Variants in ADCY2 observed in about 807,000 individuals in gnomAD.
ADCY2 encodes the protein adenylate cyclase type 2.
ADCY2 carries 31 observed loss-of-function variants against 125.2 expected under a neutral mutation model. The observed-to-expected ratio is 0.25, with a 90% confidence interval of 0.19 to 0.33. The LOEUF (loss-of-function observed/expected upper bound fraction) is 0.33, where lower values mean the gene tolerates loss of function less well. Ranked by LOEUF, ADCY2 falls within the 10% of genes least tolerant of loss-of-function variation. The probability of loss-of-function intolerance (pLI) is 1.00; values close to 1 mark genes in which losing one functional copy is unlikely to be tolerated. For missense variants in ADCY2, 904 were observed against 1,418.2 expected, an observed-to-expected ratio of 0.64 and a Z score of 5.82; for synonymous variants, 512 against 548.4, an observed-to-expected ratio of 0.93 and a Z score of 0.93.
chr5:7,502,377 C>T (rs1368566408), intron 2 of ADCY2, among the ~76,000 whole-genome samples: 1 of 152,140 alleles, frequency 6.6e-6, no homozygotes, highest in Admixed American at 6.5e-5. Flanking sequence ...TGACCAAACC[C>T]CTCCAGTCCA....
intron 2 of ADCY2, among the ~76,000 whole-genome samples, chr5:7,497,282 G>C (rs143204251): frequency 9.9e-5 from 15 of 152,084 alleles, no homozygotes; most frequent in Non-Finnish European, 2.1e-4. Flanking sequence ...GATCTGTAGA[G>C]AATTACTTGA....
At chr5:7,420,744 C>T (rs1409751130) in intron 2 of ADCY2, among the ~76,000 whole-genome samples, 5 of 152,164 alleles carry the variant, frequency 3.3e-5, no homozygotes, top group Admixed American at 6.5e-5. Flanking sequence ...TTCGGGGCAG[C>T]ATTTGCATTT....
At chr5:7,674,348 C>T (rs773480944) in intron 4 of ADCY2, among the ~76,000 whole-genome samples, 2 of 152,070 alleles carry the variant, frequency 1.3e-5, no homozygotes, top group Non-Finnish European at 2.9e-5. Flanking sequence ...TGCTTTGAGG[C>T]GGGCAGAGGG....
In ADCY2 at chr5:7,532,992, G is replaced by T. The variant is rs188226940; in HGVS notation, c.570+12093G>T. ...TATACACATTTATATGTAAATATGTGTATATAAACATTTGATATGTATACA... is the reference window on the plus strand; with the variant it reads ...TATACACATTTATATGTAAATATGTTTATATAAACATTTGATATGTATACA... On this transcript the variant is annotated intron_variant, in intron 3 of 24. Transcript: ENST00000338316. Among the ~76,000 whole-genome samples the T allele has an allele frequency of 2.0e-3, 293 of 149,942 alleles. 1 individual carries two copies. The highest frequency in any genetic ancestry group is 6.7e-3 in the African/African-American group (274 of 40,956).
intron 2 of ADCY2, among the ~76,000 whole-genome samples, chr5:7,420,642 C>T (rs1475595939): frequency 1.3e-5 from 2 of 152,194 alleles, no homozygotes; most frequent in Non-Finnish European, 2.9e-5. Context: ...TGCCATTCCA[C>T]GTAGCTGCCT....
chr5:7,526,843 G>T (rs1734486883), intron 3 of ADCY2, among the ~76,000 whole-genome samples: 1 of 152,194 alleles, frequency 6.6e-6, no homozygotes, highest in South Asian at 2.1e-4. Flanking sequence ...CCTTAATGAT[G>T]AAGGGAAGAC....
intron 4 of ADCY2, among the ~76,000 whole-genome samples, chr5:7,690,309 A>G (rs1740665290): frequency 6.6e-6 from 1 of 152,188 alleles, no homozygotes; most frequent in South Asian, 2.1e-4. Context: ...TTTAGCTCAG[A>G]AATGAACATG....
chr5:7,711,760 C>T (rs1741447020), intron 10 of ADCY2, among the ~76,000 whole-genome samples: 2 of 152,168 alleles, frequency 1.3e-5, no homozygotes, highest in South Asian at 4.1e-4. Flanking sequence ...CTTGAACGAA[C>T]TCTATTTTCT....
intron 2 of ADCY2, 65 bp from the exon 3 acceptor site, chr5:7,520,673 A>G: frequency 3.8e-6 from 6 of 1,579,568 alleles, no homozygotes; most frequent in Non-Finnish European, 5.2e-6. Context: ...AGTGGCATGG[A>G]AACAGGAGGC....
At position 7,755,965 on chromosome 5, in the gene ADCY2, A is replaced by C. The variant is rs181176056; in HGVS notation, c.1957-1484A>C. 1.4e-4 allele frequency among the ~76,000 whole-genome samples: 21 copies of C among 152,344 alleles called. No individual in the cohort carries two copies. In the East Asian group the frequency reaches 3.7e-3, roughly 27 times the overall value. On this transcript the variant is annotated intron_variant, in intron 15 of 24. Coordinates refer to ENST00000338316, the MANE Select transcript of ADCY2 (RefSeq NM_020546.3). ...ACCAGCTTTGTTTGCCAATAGGTTA[A>C]CTTGGTAGTATCGATCAAAGGGCAT...
intron 2 of ADCY2, among the ~76,000 whole-genome samples, chr5:7,471,769 T>C (rs1037432920): frequency 6.6e-6 from 1 of 152,058 alleles, no homozygotes; most frequent in African/African-American, 2.4e-5. Flanking sequence ...AAAGTGTCAT[T>C]TTTTCCATCA....
chr5:7,476,583 G>A (rs191585244), intron 2 of ADCY2, among the ~76,000 whole-genome samples: 1 of 152,250 alleles, frequency 6.6e-6, no homozygotes, highest in Non-Finnish European at 1.5e-5. Context: ...CTCAGTGTAA[G>A]GCCACCAGTC....
At chr5:7,712,990 C>A in intron 11 of ADCY2, 91 bp downstream of exon 11, 1 of 1,008,278 alleles carries the variant, frequency 9.9e-7, no homozygotes, top group Non-Finnish European at 1.5e-6. Context: ...ATTTCAAGGG[C>A]TACTTCTGAA....
At chr5:7,714,246 G>T (rs947976714) in intron 11 of ADCY2, among the ~76,000 whole-genome samples, 1 of 152,214 alleles carries the variant, frequency 6.6e-6, no homozygotes, top group Non-Finnish European at 1.5e-5. Flanking sequence ...ATGAGCAACT[G>T]ACCACAGAAA....
chr5:7,815,620 A>C (rs1745085917), intron 22 of ADCY2, among the ~76,000 whole-genome samples: 1 of 152,248 alleles, frequency 6.6e-6, no homozygotes, highest in Non-Finnish European at 1.5e-5. Flanking sequence ...TAAGTGCTAC[A>C]AATTCATGTT....
intron 16 of ADCY2, among the ~76,000 whole-genome samples, chr5:7,764,231 G>A (rs969338241): frequency 5.9e-5 from 9 of 152,180 alleles, no homozygotes; most frequent in African/African-American, 2.2e-4. Context: ...TGTTTCATAC[G>A]TAGTGTTTTT....
intron 3 of ADCY2, among the ~76,000 whole-genome samples, chr5:7,591,147 C>G (rs1162056432): frequency 6.6e-6 from 1 of 152,126 alleles, no homozygotes; most frequent in Non-Finnish European, 1.5e-5. Flanking sequence ...CAGTTGATCA[C>G]TATCTAAAGC....
intron 2 of ADCY2, among the ~76,000 whole-genome samples, chr5:7,452,748 C>G (rs1159369636): frequency 6.6e-6 from 1 of 152,152 alleles, no homozygotes; most frequent in African/African-American, 2.4e-5. Context: ...TTCACCACAT[C>G]CATGCTAACA....
chr5:7,700,141 C>A (rs1347568182), intron 7 of ADCY2, among the ~76,000 whole-genome samples: 1 of 152,230 alleles, frequency 6.6e-6, no homozygotes, highest in Admixed American at 6.5e-5. Flanking sequence ...AAAATATTTT[C>A]ATCGAGTCAA....
Sources: gnomAD v4.1 joint callset for allele counts (sites outside exome capture counted in the v4.1 genomes callset) on GRCh38, gnomAD v4.1.1 for gene constraint, MANE v1.5 for transcripts, NCBI Gene and HGNC (gene_info 2026-07-23, HGNC 2026-07-21) for gene names.